The following MPDZ variants were observed in gnomAD, a reference collection of about 807,000 sequenced individuals.
MPDZ encodes multiple PDZ domain protein.
MPDZ carries 234 observed loss-of-function variants against 239.1 expected under a neutral mutation model. That is an observed-to-expected ratio of 0.98 (90% CI 0.88 to 1.09). MPDZ has a LOEUF of 1.09. Among genes scored for constraint, MPDZ ranks in the 50% least tolerant of loss-of-function variants. The pLI is 0.00. For synonymous variants in MPDZ, 1,048 were observed against 881.3 expected (o/e 1.19, Z -3.35); for missense variants, 3,175 against 2,510.0 (o/e 1.26, Z -5.66).
intron 21 of MPDZ, among the ~76,000 whole-genome samples, chr9:13,170,463 A>G (rs530920855): frequency 3.9e-5 from 6 of 152,318 alleles, no homozygotes; most frequent in South Asian, 2.1e-4. Context: ...CCATAAAACA[A>G]TAAGATACCG....
chr9:13,276,399 T>C (rs1401072673), intron 1 of MPDZ, among the ~76,000 whole-genome samples: 1 of 152,204 alleles, frequency 6.6e-6, no homozygotes, highest in Non-Finnish European at 1.5e-5. Context: ...TGTACTTATA[T>C]AAATGCTCTC....
Position 13,112,080 on chromosome 9 carries a change from T to C in MPDZ, c.5668A>G (p.Ile1890Val), listed in dbSNP as rs1028579286. Residue 1890 changes from isoleucine to valine, a missense_variant, in exon 43 of 47, where the codon ATA becomes GTA. Coordinates refer to ENST00000319217, the MANE Select transcript of MPDZ (RefSeq NM_001378778.1). Reference sequence around the variant, plus strand: ...GTTGGGTGCATCATTGCAATAAATATAGGCACATCACCAAGTGGGCTGCCT... The same window carrying C: ...GTTGGGTGCATCATTGCAATAAATACAGGCACATCACCAAGTGGGCTGCCT... ...GVGSPLGDVP[I>V]FIAMMHPTGV... 3 of 1,613,698 alleles carry C rather than the reference T, an allele frequency of 1.9e-6. No individual in the cohort carries two copies. Among genetic ancestry groups the C allele is most frequent in the East Asian group, 2.2e-5 (1 of 44,860 alleles).
At chr9:13,133,669 T>TA (rs1946340290) in intron 32 of MPDZ, among the ~76,000 whole-genome samples, 155 bp downstream of exon 32, 1 of 152,146 alleles carries the variant, frequency 6.6e-6, no homozygotes, top group Admixed American at 6.5e-5. Context: ...ATTAAGCAGA[T>TA]AAGTTTGAGT....
At chr9:13,241,812 G>A (rs1366125688) in intron 3 of MPDZ, among the ~76,000 whole-genome samples, 1 of 152,190 alleles carries the variant, frequency 6.6e-6, no homozygotes, top group Admixed American at 6.5e-5. Context: ...CTTTGGCCAT[G>A]AACTCTTCGC....
chr9:13,139,806 T>C, intron 28 of MPDZ, 181 bp downstream of exon 28: 1 of 705,492 alleles, frequency 1.4e-6, no homozygotes, highest in Non-Finnish European at 2.5e-6. Flanking sequence ...AAGAGCATGA[T>C]TTCATGCCTC....
intron 1 of MPDZ, among the ~76,000 whole-genome samples, chr9:13,260,906 A>G (rs1970537578): frequency 6.6e-6 from 1 of 152,206 alleles, no homozygotes; most frequent in Non-Finnish European, 1.5e-5. Flanking sequence ...ACAAATACAG[A>G]ATTCAACCAT....
chr9:13,170,077 G>C (rs1951594307), intron 21 of MPDZ, among the ~76,000 whole-genome samples: 3 of 152,108 alleles, frequency 2.0e-5, no homozygotes, highest in Admixed American at 6.5e-5. Context: ...TTAAAACGAA[G>C]TGCTGAAAGT....
chr9:13,132,547 CA>C (rs1245761102), intron 32 of MPDZ, among the ~76,000 whole-genome samples: 1 of 152,156 alleles, frequency 6.6e-6, no homozygotes, highest in Non-Finnish European at 1.5e-5. Flanking sequence ...CAGAAAACAT[CA>C]GAGAAAATCA....
At chr9:13,136,548 G>A (rs1019607990) in intron 30 of MPDZ, among the ~76,000 whole-genome samples, 164 bp downstream of exon 30, 14 of 151,406 alleles carry the variant, frequency 9.2e-5, no homozygotes, top group African/African-American at 3.4e-4. Context: ...GGATGGTCCC[G>A]ATCTCCTGAC....
rs1279043046 is a variant in MPDZ, at chr9:13,249,008, A to AAAAAAAAAAAC, written c.17-1208_17-1207insGTTTTTTTTTT. The stretch of plus-strand genomic sequence containing the variant: ...AAAAAAAAAAAAAAAAAAAAAAAAA[A>AAAAAAAAAAAC]ATTGGAATCATCACCAGAGATACTT... On this transcript the variant is annotated intron_variant, in intron 2 of 46. Transcript: ENST00000319217. Among the ~76,000 whole-genome samples, 64 of 125,344 alleles carry AAAAAAAAAAAC rather than the reference A, an allele frequency of 5.1e-4. 5 individuals carry two copies. Among genetic ancestry groups the AAAAAAAAAAAC allele is most frequent in the Non-Finnish European group, 9.1e-4 (53 of 58,354 alleles). 82.2% of individuals were successfully genotyped at this position (125,344 alleles called of 152,430 possible). A position where few individuals can be genotyped will look rare whatever the true frequency, so the allele number is the denominator to read the frequency against.
Position 13,106,765 on chromosome 9 carries a change from T to C in MPDZ, c.*200A>G. 3.7e-6 allele frequency: 2 copies of C among 546,902 alleles called. No homozygotes were observed. The highest frequency in any genetic ancestry group is 3.2e-6 in the Non-Finnish European group (1 of 316,622). The allele number at this position is 546,902 out of a possible 1,614,324, so 33.9% of individuals were successfully genotyped here. On this transcript the variant is annotated 3_prime_UTR_variant, in exon 47 of 47. Transcript: ENST00000319217. ...ATTCCTTCTCTTTAAGTTCACAAAA[T>C]GCAAGAAGAAAAGAAAAATGATGTT...
intron 1 of MPDZ, among the ~76,000 whole-genome samples, chr9:13,259,935 G>C (rs945998991): frequency 6.6e-6 from 1 of 152,058 alleles, no homozygotes; most frequent in African/African-American, 2.4e-5. Flanking sequence ...CCAGGTTCAA[G>C]CTATTCTCGT....
intron 43 of MPDZ, among the ~76,000 whole-genome samples, chr9:13,111,364 G>A (rs1271459213): frequency 6.6e-6 from 1 of 152,172 alleles, no homozygotes; most frequent in Non-Finnish European, 1.5e-5. Context: ...TATCAAACGA[G>A]GCTGAACCAT....
chr9:13,193,247 G>A lies in MPDZ; in HGVS notation c.1723C>T (p.His575Tyr), dbSNP rs371842989. 2 of 1,612,064 alleles carry A rather than the reference G, an allele frequency of 1.2e-6. No homozygotes were observed. The highest frequency in any genetic ancestry group is 1.1e-5 in the South Asian group (1 of 90,906). Residue 575 changes from histidine (H) to tyrosine (Y), a missense_variant, in exon 14 of 47, where the codon CAT becomes TAT. Transcript: ENST00000319217. ...LGISLEATVGHHFIRSVLPEG... is the reference protein window; with the variant it reads ...LGISLEATVGYHFIRSVLPEG... ...GGTAGAACAGATCGGATAAAATGAT[G>A]TCCCACTGTCGCTTCCAGGCTTATC... is the stretch of plus-strand genomic sequence containing the variant.
intron 2 of MPDZ, among the ~76,000 whole-genome samples, chr9:13,249,008 A>AAAC (rs1279043046): frequency 6.4e-5 from 8 of 125,248 alleles, no homozygotes; most frequent in Non-Finnish European, 1.2e-4. Context: ...AAAAAAAAAA[A>AAAC]ATTGGAATCA....
At chr9:13,224,805 T>C (rs576917893) in intron 3 of MPDZ, among the ~76,000 whole-genome samples, 1 of 152,238 alleles carries the variant, frequency 6.6e-6, no homozygotes, top group Admixed American at 6.5e-5. Flanking sequence ...ATTTATTAGA[T>C]GGGAAAATTC....
At chr9:13,279,231 C>T (rs1459566026) in intron 1 of MPDZ, 169 bp downstream of exon 1, 2 of 142,154 alleles carry the variant, frequency 1.4e-5, no homozygotes, top group African/African-American at 5.1e-5. Flanking sequence ...CCCACCGCCC[C>T]ACGGCCCGCC....
At chr9:13,186,419 G>C in intron 17 of MPDZ, 33 bp from the exon 18 acceptor site, 1 of 1,396,800 alleles carries the variant, frequency 7.2e-7, no homozygotes, top group Non-Finnish European at 9.9e-7. Context: ...ATGGAAAAGA[G>C]AGAGAACAGC....
intron 19 of MPDZ, among the ~76,000 whole-genome samples, chr9:13,181,378 C>T (rs1953299040): frequency 6.6e-6 from 1 of 152,006 alleles, no homozygotes; most frequent in Non-Finnish European, 1.5e-5. Flanking sequence ...AGGAAGGACA[C>T]ATTATATATT....
Sources: allele counts gnomAD v4.1 joint callset (sites outside exome capture counted in the v4.1 genomes callset), GRCh38; gene constraint gnomAD v4.1.1; transcripts MANE v1.5; gene names NCBI Gene and HGNC (gene_info 2026-07-23, HGNC 2026-07-21).